CEP350: variants seen among roughly 807,000 people sequenced by gnomAD.
CEP350 encodes the protein centrosome-associated protein 350.
In CEP350, 126 loss-of-function variants were observed where a neutral mutation model predicts 331.8. That is an observed-to-expected ratio of 0.38 (90% CI 0.33 to 0.44). The LOEUF is 0.44. Among genes scored for constraint, CEP350 ranks in the 20% least tolerant of loss-of-function variants. The probability of loss-of-function intolerance (pLI) is 1.00; values close to 1 mark genes in which losing one functional copy is unlikely to be tolerated. For synonymous variants in CEP350, 1,200 were observed against 1,259.5 expected, an observed-to-expected ratio of 0.95 and a Z score of 1.00; for missense variants, 3,406 against 3,634.6, an observed-to-expected ratio of 0.94 and a Z score of 1.62.
intron 1 of CEP350, among the ~76,000 whole-genome samples, chr1:179,977,596 A>G (rs541416115): frequency 6.6e-6 from 1 of 152,168 alleles, no homozygotes. Flanking sequence ...ATAATTGAAG[A>G]TCATTTGAAT....
intron 37 of CEP350, among the ~76,000 whole-genome samples, chr1:180,100,508 T>A (rs1660743450): frequency 6.6e-6 from 1 of 152,362 alleles, no homozygotes; most frequent in Non-Finnish European, 1.5e-5. Flanking sequence ...CCTCTGTATA[T>A]ACATTGAGTC....
chr1:180,053,231 A>G lies in CEP350; in HGVS notation c.4989+65A>G, dbSNP rs1016195349. 1.5e-5 allele frequency: 11 copies of G among 757,414 alleles called. No homozygotes were observed. In the African/African-American group the frequency reaches 1.8e-4, roughly 12 times the overall value. 46.9% of individuals were successfully genotyped at this position (757,414 alleles called of 1,614,324 possible). On this transcript the variant is annotated intron_variant, in intron 23 of 37. Coordinates refer to ENST00000367607, the MANE Select transcript of CEP350 (RefSeq NM_014810.5). ...TATGTTCTCTCAAAGATATGAGAAA[A>G]CATTTTGTACTTATCTCATTTGTCA...
intron 1 of CEP350, among the ~76,000 whole-genome samples, chr1:179,955,580 A>T (rs111856598): frequency 1.4e-3 from 215 of 152,252 alleles, no homozygotes; most frequent in African/African-American, 4.7e-3. Context: ...GAAAACTTTG[A>T]TCTACTCTAG....
chr1:180,074,356 A>T (rs1456334067), intron 27 of CEP350, among the ~76,000 whole-genome samples: 1 of 152,182 alleles, frequency 6.6e-6, no homozygotes, highest in African/African-American at 2.4e-5. Context: ...TGAGAATTTG[A>T]TGCATCCCTT....
intron 3 of CEP350, among the ~76,000 whole-genome samples, chr1:179,989,142 A>T (rs1410218743): frequency 6.6e-6 from 1 of 152,070 alleles, no homozygotes; most frequent in East Asian, 1.9e-4. Context: ...AATTTTTAAA[A>T]TACATTGGGA....
At chr1:180,101,107 A>G (rs934746065) in intron 37 of CEP350, among the ~76,000 whole-genome samples, 1 of 152,214 alleles carries the variant, frequency 6.6e-6, no homozygotes, top group African/African-American at 2.4e-5. Flanking sequence ...GGGTAAGGTT[A>G]TTATAGCTTG....
rs1659940598 is a variant in CEP350, at chr1:180,087,582, A to T, written c.6290A>T (p.Tyr2097Phe). The T allele has an allele frequency of 6.5e-7, 1 of 1,541,098 alleles. No homozygotes were observed. The highest frequency in any genetic ancestry group is 1.4e-5 in the African/African-American group (1 of 72,740). The change falls in exon 32 of 38, where the codon TAT becomes TTT. Residue 2097 changes from tyrosine (Y) to phenylalanine (F), a missense_variant. Tyr to Phe is a conservative substitution (Grantham distance 22). This residue lies in a region of CEP350 where 1,415 missense variants were observed against 1,512.3 expected (regional missense o/e 0.94). Transcript: ENST00000367607. The stretch of plus-strand genomic sequence containing the variant: ...CTCTGGTTTTTCTAAACTTAGTCAT[A>T]TGATGAATTTATTAAGAAAACTGAA... The part of the protein sequence containing the change: ...EASLIKQLES[Y>F]DEFIKKTEAE...
At chr1:180,043,968 C>A in intron 20 of CEP350, 83 bp from the exon 21 acceptor site, 1 of 1,132,420 alleles carries the variant, frequency 8.8e-7, no homozygotes, top group Non-Finnish European at 1.2e-6. Flanking sequence ...AAGATTTTAT[C>A]TCATATTACT....
chr1:179,969,441 A>G (rs1275372331), intron 1 of CEP350: 1 of 497,452 alleles, frequency 2.0e-6, no homozygotes, highest in Middle Eastern at 5.4e-4. Flanking sequence ...TGGAGTGCTC[A>G]GAAGACTGGT....
intron 19 of CEP350, among the ~76,000 whole-genome samples, chr1:180,042,145 C>CAT (rs1656806467): frequency 1.3e-5 from 2 of 151,574 alleles, no homozygotes; most frequent in African/African-American, 4.8e-5. Flanking sequence ...CACACACACA[C>CAT]ACACACACAC....
chr1:180,011,260 C>T (rs1001998735), intron 8 of CEP350, among the ~76,000 whole-genome samples: 6 of 152,190 alleles, frequency 3.9e-5, no homozygotes, highest in Admixed American at 6.5e-5. Flanking sequence ...CCATCCCCTT[C>T]AAAAGTAATC....
Position 180,042,168 on chromosome 1 carries a change from A to ACG in CEP350, c.4362+366_4362+367insCG, listed in dbSNP as rs397777176. Among the ~76,000 whole-genome samples the ACG allele has an allele frequency of 7.6e-4, 113 of 148,556 alleles. 1 individual carries two copies. Among genetic ancestry groups the ACG allele is most frequent in the African/African-American group, 2.7e-3 (110 of 40,322 alleles). ...CACACACACACACACACACACACAC[A>ACG]TCTCCCTATAACCATCACCACAATC... On this transcript the variant is annotated intron_variant, in intron 19 of 37. Transcript: ENST00000367607.
chr1:179,959,170 G>T (rs1650397125), intron 1 of CEP350, among the ~76,000 whole-genome samples: 1 of 152,186 alleles, frequency 6.6e-6, no homozygotes, highest in South Asian at 2.1e-4. Context: ...TTTGTTGATG[G>T]AAGGGCTGGG....
At position 180,003,247 on chromosome 1, in the gene CEP350, G is replaced by A. The variant is rs757782708; in HGVS notation, c.1092G>A (p.Met364Ile). The change falls in exon 7 of 38, where the codon ATG (methionine) becomes ATA (isoleucine). Residue 364 changes from methionine to isoleucine, a missense_variant. Transcript: ENST00000367607. ...GGCAGGAGGCTGAGTTTCAAAACAT[G>A]AGTAGAGAACTGTATCGAGATTTAG... is the stretch of plus-strand genomic sequence containing the variant. ...KVWQEAEFQNMSRELYRDLAL... is the reference protein window; with the variant it reads ...KVWQEAEFQNISRELYRDLAL... 2 of 1,613,002 alleles carry A rather than the reference G, an allele frequency of 1.2e-6. No individual in the cohort carries two copies. The highest frequency in any genetic ancestry group is 1.7e-6 in the Non-Finnish European group (2 of 1,179,460).
intron 1 of CEP350, among the ~76,000 whole-genome samples, chr1:179,960,179 C>A (rs1297456546): frequency 7.0e-6 from 1 of 143,454 alleles, no homozygotes; most frequent in Non-Finnish European, 1.5e-5. Flanking sequence ...GACACACACA[C>A]ACCCACCCAC....
At chr1:180,100,521 A>G (rs1003622884) in intron 37 of CEP350, among the ~76,000 whole-genome samples, 2 of 152,232 alleles carry the variant, frequency 1.3e-5, no homozygotes, top group Non-Finnish European at 2.9e-5. Context: ...ATTGAGTCAA[A>G]AATTGTGCTA....
intron 17 of CEP350, among the ~76,000 whole-genome samples, chr1:180,039,980 T>C (rs999243696): frequency 2.6e-5 from 4 of 152,222 alleles, no homozygotes; most frequent in Admixed American, 2.0e-4. Context: ...AGAGGTCTTA[T>C]ACATTTTAAA....
chr1:180,064,042 A>T (rs564622049), intron 26 of CEP350, among the ~76,000 whole-genome samples: 2 of 152,162 alleles, frequency 1.3e-5, no homozygotes, highest in African/African-American at 2.4e-5. Flanking sequence ...TCTGCAGACT[A>T]CCTGAAAGTG....
Position 180,104,697 on chromosome 1 carries a change from C to G in CEP350, c.9189+5712C>G, listed in dbSNP as rs537690167. Among the ~76,000 whole-genome samples the G allele has an allele frequency of 2.6e-5, 4 of 152,176 alleles. 1 individual carries two copies. In the East Asian group the frequency reaches 7.7e-4, roughly 29 times the overall value. ...AACCTCGTAGAGTTGGGATGATTAA[C>G]CAAGATCTAATATGTATTAAGTGGC... On this transcript the variant is annotated intron_variant, in intron 37 of 37. Coordinates refer to ENST00000367607, the MANE Select transcript of CEP350 (RefSeq NM_014810.5).
Sources: gnomAD v4.1 joint callset for allele counts (sites outside exome capture counted in the v4.1 genomes callset) on GRCh38, gnomAD v4.1.1 for gene constraint, gnomAD v4.1.1 regional missense constraint, MANE v1.5 for transcripts, NCBI Gene and HGNC (gene_info 2026-07-23, HGNC 2026-07-21) for gene names.